DNAI7: variants seen among roughly 807,000 people sequenced by gnomAD.
DNAI7 encodes the protein dynein axonemal intermediate chain 7, also known as cancer susceptibility 1.
In DNAI7, 78 loss-of-function variants were observed where a neutral mutation model predicts 86.6. The observed-to-expected ratio is 0.90, with a 90% CI of 0.75 to 1.09. The LOEUF is 1.09. Ranked by LOEUF, DNAI7 falls within the 50% of genes least tolerant of loss-of-function variation. The pLI, the probability that DNAI7 is intolerant of heterozygous loss-of-function variation, is 0.00. For missense variants in DNAI7, 753 were observed against 810.2 expected (o/e 0.93, Z 0.86); for synonymous variants, 274 against 273.0 (o/e 1.00, Z -0.04).
chr12:25,128,431 G>A (rs1942432793), intron 9 of DNAI7, among the ~76,000 whole-genome samples: 1 of 152,110 alleles, frequency 6.6e-6, no homozygotes, highest in South Asian at 2.1e-4. Flanking sequence ...ATAAGCTAGT[G>A]ATGCTCTGTA....
At chr12:25,112,740 A>G (rs1939205468) in intron 13 of DNAI7, among the ~76,000 whole-genome samples, 1 of 152,092 alleles carries the variant, frequency 6.6e-6, no homozygotes. Flanking sequence ...TTAATAATAT[A>G]TTTCATTTAA....
intron 14 of DNAI7, among the ~76,000 whole-genome samples, chr12:25,110,848 G>T (rs1938670380): frequency 6.6e-6 from 1 of 151,954 alleles, no homozygotes; most frequent in South Asian, 2.1e-4. Flanking sequence ...GAAAACAAAG[G>T]TAAGGACCTT....
chr12:25,108,098 G>C, downstream of DNAI7: 1 of 1,597,314 alleles, frequency 6.3e-7, no homozygotes, highest in Non-Finnish European at 8.5e-7. Flanking sequence ...TGATTTTTAA[G>C]TTTCAGTATC....
At chr12:25,163,356 T>C (rs1471879675) in intron 2 of DNAI7, among the ~76,000 whole-genome samples, 2 of 152,064 alleles carry the variant, frequency 1.3e-5, no homozygotes, top group Non-Finnish European at 2.9e-5. Context: ...ACTGATGACA[T>C]TATCTTGTGA....
At chr12:25,120,317 G>GGAGAGAGGGAGAGAGA (rs1941028941) in intron 11 of DNAI7, among the ~76,000 whole-genome samples, 1 of 80,766 alleles carries the variant, frequency 1.2e-5, no homozygotes, top group Non-Finnish European at 2.8e-5. Context: ...GCAGGAAGAG[G>GGAGAGAGGGAGAGAGA]GAGAGAGAGA....
At chr12:25,160,935 AAG>A (rs1946774859) in intron 3 of DNAI7, 176 bp downstream of exon 3, 1 of 475,926 alleles carries the variant, frequency 2.1e-6, no homozygotes, top group Non-Finnish European at 3.7e-6. Context: ...ATATATCTGA[AAG>A]AGACTGGCAT....
rs1283324688 is a variant in DNAI7 at position 25,161,150 on chromosome 12, C to T, written c.69G>A (p.Leu23=). The change falls in exon 3 of 16, where the codon CTG becomes CTA. Residue 23 remains leucine (L), a synonymous_variant. Transcript: ENST00000395987. The part of the protein sequence containing the change: ...KKVTKAERLK[L]LQEEEERRLK... ...GTCGTCTCTCCTCCTCCTCTTGTAG[C>T]AGCTTCAATCGTTCAGCTTTGGTGA... 1.2e-6 allele frequency: 2 copies of T among 1,613,832 alleles called. No homozygotes were observed. The highest frequency in any genetic ancestry group is 1.3e-5 in the African/African-American group (1 of 74,912).
At chr12:25,166,546 C>G (rs1448225657) in intron 2 of DNAI7, among the ~76,000 whole-genome samples, 1 of 152,186 alleles carries the variant, frequency 6.6e-6, no homozygotes, top group African/African-American at 2.4e-5. Context: ...TTCAGTCAAG[C>G]CCAAATTTCT....
In DNAI7 at chr12:25,154,381, A is replaced by G. The variant is rs770924788; in HGVS notation, c.376T>C (p.Trp126Arg). 1 of 1,611,688 alleles carries G rather than the reference A, an allele frequency of 6.2e-7. No individual in the cohort carries two copies. Reference protein sequence around the residue: ...AQEMNTFISLWKEKTNETFEE... With the variant: ...AQEMNTFISLRKEKTNETFEE... ...AAAGTCTCATTTGTTTTCTCTTTCC[A>G]CAAACTAATAAACGTGTTCATTTCT... Residue 126 changes from tryptophan (W) to arginine (R), a missense_variant, in exon 6 of 16, where the codon TGG becomes CGG. By Grantham distance (101) the Trp-to-Arg change is moderately radical. Transcript: ENST00000395987.
chr12:25,154,105 T>G (rs1945876968), intron 6 of DNAI7, among the ~76,000 whole-genome samples: 1 of 152,196 alleles, frequency 6.6e-6, no homozygotes, highest in South Asian at 2.1e-4. Context: ...ATAATCAATG[T>G]TTTATGATAT....
rs372637271 is a variant in DNAI7 at position 25,149,706 on chromosome 12, T to C, written c.507A>G (p.Ile169Met). ...GTTGTAGTATTGATTCTTGGTACTGTATTATATTTTTATCTTGCAAATCAC... is the reference window on the plus strand; with the variant it reads ...GTTGTAGTATTGATTCTTGGTACTGCATTATATTTTTATCTTGCAAATCAC... Reference protein sequence around the residue: ...PPCDLQDKNIIQYQESILQLQ... With the variant: ...PPCDLQDKNIMQYQESILQLQ... The change falls in exon 7 of 16, where the codon ATA becomes ATG. Residue 169 changes from isoleucine to methionine, a missense_variant. Ile to Met is a conservative substitution (Grantham distance 10). Transcript: ENST00000395987. 12 of 1,581,206 alleles carry C rather than the reference T, an allele frequency of 7.6e-6. No individual in the cohort carries two copies. The highest frequency in any genetic ancestry group is 2.2e-5 in the East Asian group (1 of 44,578).
At chr12:25,180,559 C>G (rs1466248964) in intron 2 of DNAI7, among the ~76,000 whole-genome samples, 1 of 152,098 alleles carries the variant, frequency 6.6e-6, no homozygotes, top group Admixed American at 6.5e-5. Flanking sequence ...CTGTAGCAAC[C>G]AAAATAACAT....
chr12:25,155,294 A>T lies in DNAI7; in HGVS notation c.300+17T>A, dbSNP rs749038256. ...TGGTGACAAAGGTATTAGCTAAAAA[A>T]GAGAAATCAGTCCTACCTGAGAAAG... On this transcript the variant is annotated intron_variant, in intron 5 of 15. Transcript: ENST00000395987. The T allele has an allele frequency of 2.1e-6, 3 of 1,422,930 alleles. No homozygotes were observed. The South Asian group carries it at 3.6e-5, about 17-fold the overall frequency. The allele number at this position is 1,422,930 out of a possible 1,614,324, so 88.1% of individuals were successfully genotyped here. A position where few individuals can be genotyped will look rare whatever the true frequency, so the allele number is the denominator to read the frequency against.
chr12:25,163,433 C>T (rs1487842795), intron 2 of DNAI7, among the ~76,000 whole-genome samples: 1 of 152,206 alleles, frequency 6.6e-6, no homozygotes, highest in East Asian at 1.9e-4. Context: ...CCCCCCACTC[C>T]TGCCTGCCAG....
chr12:25,153,701 G>A (rs1322677218), intron 6 of DNAI7, among the ~76,000 whole-genome samples: 1 of 152,158 alleles, frequency 6.6e-6, no homozygotes, highest in Non-Finnish European at 1.5e-5. Flanking sequence ...TAGCTATGAA[G>A]CCATGGCTTC....
chr12:25,138,438 G>C (rs932558054), intron 9 of DNAI7, among the ~76,000 whole-genome samples: 1 of 152,058 alleles, frequency 6.6e-6, no homozygotes, highest in Non-Finnish European at 1.5e-5. Flanking sequence ...ACTCCAGCCT[G>C]GCAACAGAGT....
intron 9 of DNAI7, among the ~76,000 whole-genome samples, chr12:25,142,495 T>TAA (rs140708153): frequency 0.018 from 2,638 of 144,518 alleles, 36 homozygotes; most frequent in South Asian, 0.042. Context: ...CCTTTTGAAA[T>TAA]AAAAAAAAAA....
In DNAI7 at chr12:25,158,581, A is replaced by G; in HGVS notation, c.107-18T>C. On this transcript the variant is annotated intron_variant, in intron 3 of 15. Coordinates refer to ENST00000395987, the MANE Select transcript of DNAI7 (RefSeq NM_018272.5). The stretch of plus-strand genomic sequence containing the variant: ...GGCTTCCTCTAAAGAACCAAAAATA[A>G]TTTTTTTCTCAGTGAATAGATCACT... 1 of 1,603,538 alleles carries G rather than the reference A, an allele frequency of 6.2e-7. No homozygotes were observed. The highest frequency in any genetic ancestry group is 8.5e-7 in the Non-Finnish European group (1 of 1,174,666).
At chr12:25,147,500 T>C (rs1945023144) in intron 7 of DNAI7, among the ~76,000 whole-genome samples, 2 of 148,098 alleles carry the variant, frequency 1.4e-5, no homozygotes, top group African/African-American at 4.9e-5. Context: ...TACAAAAAAT[T>C]AGCTGGGTGT....
Sources: allele counts gnomAD v4.1 joint callset (sites outside exome capture counted in the v4.1 genomes callset), GRCh38; gene constraint gnomAD v4.1.1; transcripts MANE v1.5; gene names NCBI Gene and HGNC (gene_info 2026-07-23, HGNC 2026-07-21).